PTAR1: variants seen among roughly 807,000 people sequenced by gnomAD.
PTAR1 encodes protein prenyltransferase alpha subunit repeat-containing protein 1.
A neutral mutation model predicts 45.5 loss-of-function variants in PTAR1; 17 were observed. That is an observed-to-expected ratio of 0.37 (90% CI 0.26 to 0.56). PTAR1 has a LOEUF of 0.56. Ranked by LOEUF, PTAR1 falls within the 20% of genes least tolerant of loss-of-function variation. PTAR1 has a pLI of 0.77. For synonymous variants in PTAR1, 169 were observed against 171.3 expected (o/e 0.99, Z 0.11); for missense variants, 391 against 476.3 (o/e 0.82, Z 1.67).
chr9:69,743,764 GCC>G (rs1420846083), intron 2 of PTAR1, among the ~76,000 whole-genome samples: 1 of 152,022 alleles, frequency 6.6e-6, no homozygotes, highest in African/African-American at 2.4e-5. Flanking sequence ...ATTAAAGTAG[GCC>G]CTTAGGACTG....
Position 69,715,219 on chromosome 9 carries a change from A to T in PTAR1, c.*3123T>A, listed in dbSNP as rs888720342. On this transcript the variant is annotated 3_prime_UTR_variant, in exon 8 of 8. Coordinates refer to ENST00000340434, the MANE Select transcript of PTAR1 (RefSeq NM_001099666.2). ...ATGAAATGAAGAAAAAAAAAGTCTA[A>T]ATCAACTTACTCTATATGCAATAGC... The T allele has an allele frequency of 2.0e-5, 3 of 152,098 alleles. No individual in the cohort carries two copies. The highest frequency in any genetic ancestry group is 4.4e-5 in the Non-Finnish European group (3 of 67,996). 9.4% of individuals were successfully genotyped at this position (152,098 alleles called of 1,614,324 possible). A position where few individuals can be genotyped will look rare whatever the true frequency, so the allele number is the denominator to read the frequency against.
In PTAR1 at chr9:69,741,821, G is replaced by A. The variant is rs750974862; in HGVS notation, c.294C>T (p.Asn98=). The change falls in exon 3 of 8, where the codon AAC becomes AAT. Residue 98 remains asparagine, a synonymous_variant. Transcript: ENST00000340434. ...IDVTCTLLLL[N]PDFTTAWNVR... is the part of the protein sequence containing the mutation. ...CGTTCCATGCAGTGGTAAAGTCTGG[G>A]TTTAGAAGCAGCAGGGTACATGTGA... 1.7e-5 allele frequency: 27 copies of A among 1,601,440 alleles called. No individual in the cohort carries two copies. The East Asian group carries it at 3.6e-4, about 21-fold the overall frequency.
At chr9:69,725,234 A>G (rs1437058722) in intron 5 of PTAR1, among the ~76,000 whole-genome samples, 1 of 152,182 alleles carries the variant, frequency 6.6e-6, no homozygotes, top group Non-Finnish European at 1.5e-5. Context: ...TTCTAACTGG[A>G]TATTTCTATG....
In PTAR1 at chr9:69,714,918, C is replaced by T. The variant is rs1346665569; in HGVS notation, c.*3424G>A. 3 of 151,932 alleles carry T rather than the reference C, an allele frequency of 2.0e-5. No homozygotes were observed. Among genetic ancestry groups the T allele is most frequent in the Non-Finnish European group, 2.9e-5 (2 of 67,972 alleles). The allele number at this position is 151,932 out of a possible 1,614,324, so 9.4% of individuals were successfully genotyped here. On this transcript the variant is annotated 3_prime_UTR_variant, in exon 8 of 8. Transcript: ENST00000340434. ...AGAAATATCTGAAAGAGTCACAGTT[C>T]AAGTTGCGGGGAAAAAAGGAGAAGC...
intron 1 of PTAR1, 53 bp downstream of exon 1, chr9:69,759,800 C>T: frequency 7.8e-7 from 1 of 1,283,160 alleles, no homozygotes; most frequent in Non-Finnish European, 1.0e-6. Flanking sequence ...CGCTTGGCCC[C>T]GCCCCCGCCC....
chr9:69,742,846 C>T (rs1421772957), intron 2 of PTAR1, among the ~76,000 whole-genome samples: 1 of 152,056 alleles, frequency 6.6e-6, no homozygotes, highest in Admixed American at 6.6e-5. Flanking sequence ...TCTTATGAAC[C>T]AGCTATTCAC....
intron 5 of PTAR1, among the ~76,000 whole-genome samples, chr9:69,725,777 A>AT (rs530762066): frequency 7.9e-5 from 12 of 151,978 alleles, no homozygotes; most frequent in Non-Finnish European, 1.8e-4. Flanking sequence ...AGAGGCAATG[A>AT]TTTTTTTAAA....
At position 69,718,548 on chromosome 9, in the gene PTAR1, C is replaced by G; in HGVS notation, c.1003G>C (p.Ala335Pro). The change falls in exon 8 of 8, where the codon GCA becomes CCA. Residue 335 changes from alanine to proline, a missense_variant. Physicochemically the swap from Ala to Pro is conservative, Grantham distance 27. This residue lies in a region of PTAR1 where 181 missense variants were observed against 227.7 expected (regional missense o/e 0.80). Transcript: ENST00000340434. ...TCATTCAGTCCATCTACTTCCATTGCTTGAGACAGCTGGGAGCCTGCTGGG... is the reference window on the plus strand; with the variant it reads ...TCATTCAGTCCATCTACTTCCATTGGTTGAGACAGCTGGGAGCCTGCTGGG... Reference protein sequence around the residue: ...HLNAGSQLSQAMEVDGLNDSS... With the variant: ...HLNAGSQLSQPMEVDGLNDSS... 1.2e-6 allele frequency: 2 copies of G among 1,613,708 alleles called. No homozygotes were observed. Among genetic ancestry groups the G allele is most frequent in the Admixed American group, 3.3e-5 (2 of 59,992 alleles).
chr9:69,745,777 G>A (rs1314044515), intron 2 of PTAR1, among the ~76,000 whole-genome samples: 2 of 152,142 alleles, frequency 1.3e-5, no homozygotes, highest in African/African-American at 4.8e-5. Context: ...GCTATCATGG[G>A]TATATTAGAT....
Position 69,750,886 on chromosome 9 carries a change from C to T in PTAR1, c.151G>A (p.Glu51Lys). 3 of 1,610,320 alleles carry T rather than the reference C, an allele frequency of 1.9e-6. No homozygotes were observed. Among genetic ancestry groups the T allele is most frequent in the Non-Finnish European group, 2.5e-6 (3 of 1,177,958 alleles). Residue 51 changes from glutamate (E) to lysine (K), a missense_variant, in exon 2 of 8, where the codon GAA becomes AAA. Physicochemically the swap from Glu to Lys is moderately conservative, Grantham distance 56. This residue lies in a region of PTAR1 where 152 missense variants were observed against 160.0 expected (regional missense o/e 0.95). Coordinates refer to ENST00000340434, the MANE Select transcript of PTAR1 (RefSeq NM_001099666.2). ...CAGCTCTCCACACCCAGTTTGTTTT[C>T]AACCAGGACTATGGGACTCCGGTTA... ...RYNRSPIVLV[E>K]NKLGVESWCV...
chr9:69,750,178 T>TAA (rs199976014), intron 2 of PTAR1, among the ~76,000 whole-genome samples: 16 of 145,034 alleles, frequency 1.1e-4, no homozygotes, highest in Admixed American at 2.8e-4. Context: ...TCTGATGCAG[T>TAA]AAAAAAAAAA....
chr9:69,744,170 T>G (rs1826166947), intron 2 of PTAR1, among the ~76,000 whole-genome samples: 1 of 152,164 alleles, frequency 6.6e-6, no homozygotes, highest in African/African-American at 2.4e-5. Flanking sequence ...GGCCTTCCAT[T>G]ACTTTCCTTT....
At chr9:69,757,886 A>G (rs897146783) in intron 1 of PTAR1, 2 of 152,180 alleles carry the variant, frequency 1.3e-5, no homozygotes, top group Non-Finnish European at 2.9e-5. Flanking sequence ...ATATTATTGA[A>G]AATAGTTTTA....
chr9:69,725,895 G>C (rs956624303), intron 5 of PTAR1, among the ~76,000 whole-genome samples: 1 of 151,934 alleles, frequency 6.6e-6, no homozygotes, highest in South Asian at 2.1e-4. Flanking sequence ...AATGACCTTC[G>C]TATGATATAC....
At chr9:69,721,357 TAAA>T (rs368284016) in intron 6 of PTAR1, among the ~76,000 whole-genome samples, 6 of 152,314 alleles carry the variant, frequency 3.9e-5, no homozygotes, top group African/African-American at 1.4e-4. Flanking sequence ...AATCTCATGA[TAAA>T]ACTTGGATGC....
intron 6 of PTAR1, among the ~76,000 whole-genome samples, chr9:69,721,785 G>A (rs971817631): frequency 6.6e-6 from 1 of 152,122 alleles, no homozygotes; most frequent in African/African-American, 2.4e-5. Context: ...GCATTTTTTA[G>A]CAACCTAGTA....
At chr9:69,748,695 G>A (rs1826385591) in intron 2 of PTAR1, among the ~76,000 whole-genome samples, 1 of 152,014 alleles carries the variant, frequency 6.6e-6, no homozygotes, top group South Asian at 2.1e-4. Context: ...AATTTTAAAG[G>A]TGTAGCATTT....
intron 1 of PTAR1, among the ~76,000 whole-genome samples, chr9:69,754,443 G>C (rs562977651): frequency 6.7e-6 from 1 of 149,194 alleles, no homozygotes; most frequent in African/African-American, 2.5e-5. Flanking sequence ...AGAAACACTG[G>C]AAAACTCAGG....
rs554870489 is a variant in PTAR1 at position 69,711,013 on chromosome 9, T to C, written c.*7329A>G. The C allele has an allele frequency of 2.6e-5, 4 of 152,262 alleles. No individual in the cohort carries two copies. In the South Asian group the frequency reaches 8.3e-4, roughly 32 times the overall value. 9.4% of individuals were successfully genotyped at this position (152,262 alleles called of 1,614,324 possible). A position where few individuals can be genotyped will look rare whatever the true frequency, so the allele number is the denominator to read the frequency against. On this transcript the variant is annotated 3_prime_UTR_variant, in exon 8 of 8. Transcript: ENST00000340434. ...TGTTAAATTATGCAATTGACTAGTG[T>C]CCACAAAATTCGAGTCAAAAAAAAA...
Sources: allele counts gnomAD v4.1 joint callset (sites outside exome capture counted in the v4.1 genomes callset), GRCh38; gene constraint gnomAD v4.1.1; regional missense constraint gnomAD v4.1.1; transcripts MANE v1.5; gene names NCBI Gene and HGNC (gene_info 2026-07-23, HGNC 2026-07-21).